Variants in AKIRIN2 observed in about 807,000 individuals in gnomAD.
The protein encoded by AKIRIN2 is akirin-2.
In AKIRIN2, 6 loss-of-function variants were observed where a neutral mutation model predicts 29.3. That is an observed-to-expected ratio of 0.20 (90% CI 0.11 to 0.40). The LOEUF is 0.40. AKIRIN2 is among the 10% of genes least tolerant of loss of function. AKIRIN2 has a pLI of 1.00. For synonymous variants in AKIRIN2, 128 were observed against 117.5 expected (o/e 1.09, Z -0.58); for missense variants, 210 against 276.1 (o/e 0.76, Z 1.70).
chr6:87,701,070 G>C (rs931063836), intron 1 of AKIRIN2, among the ~76,000 whole-genome samples: 2 of 151,900 alleles, frequency 1.3e-5, no homozygotes, highest in Admixed American at 6.6e-5. Context: ...ATCCAGATTG[G>C]GGTGAAATGT....
rs1199626579 is a variant in AKIRIN2, at chr6:87,702,011, T to C, written c.-327A>G. 9.9e-6 allele frequency: 4 copies of C among 403,778 alleles called. No individual in the cohort carries two copies. The highest frequency in any genetic ancestry group is 1.7e-5 in the Non-Finnish European group (4 of 229,224). The allele number at this position is 403,778 out of a possible 1,614,324, so 25.0% of individuals were successfully genotyped here. A position where few individuals can be genotyped will look rare whatever the true frequency, so the allele number is the denominator to read the frequency against. On this transcript the variant is annotated 5_prime_UTR_variant, in exon 1 of 5. Transcript: ENST00000257787. ...GGCTCCGGCCGCCCCCGCCGTCCGC[T>C]CGAGCTTTGCGCCGCGCCTGAGGCG...
intron 1 of AKIRIN2, chr6:87,700,465 A>G (rs551942544): frequency 6.6e-6 from 1 of 152,370 alleles, no homozygotes; most frequent in South Asian, 2.1e-4. Context: ...TTACACTTCT[A>G]GTCCACAAAA....
chr6:87,689,509 T>C (rs1393490981), intron 1 of AKIRIN2, among the ~76,000 whole-genome samples: 1 of 152,140 alleles, frequency 6.6e-6, no homozygotes, highest in Non-Finnish European at 1.5e-5. Flanking sequence ...AACCAGGATT[T>C]GCAAAACTGA....
intron 1 of AKIRIN2, among the ~76,000 whole-genome samples, chr6:87,692,799 G>C (rs565245138): frequency 7.2e-5 from 11 of 152,320 alleles, no homozygotes; most frequent in Admixed American, 5.9e-4. Flanking sequence ...GACAGAGTAA[G>C]ACTCTTGTCT....
At chr6:87,690,958 G>A (rs992415905) in intron 1 of AKIRIN2, among the ~76,000 whole-genome samples, 1 of 151,944 alleles carries the variant, frequency 6.6e-6, no homozygotes, top group African/African-American at 2.4e-5. Flanking sequence ...GGGCAACAGA[G>A]TGAGACGGTT....
intron 1 of AKIRIN2, among the ~76,000 whole-genome samples, chr6:87,694,719 AAAG>A (rs1771331017): frequency 6.6e-6 from 1 of 152,166 alleles, no homozygotes; most frequent in African/African-American, 2.4e-5. Context: ...AAAGGGAAAA[AAAG>A]CTACACCCCA....
At chr6:87,676,724 G>A (rs551518424) in intron 3 of AKIRIN2, among the ~76,000 whole-genome samples, 5 of 151,536 alleles carry the variant, frequency 3.3e-5, no homozygotes, top group Admixed American at 3.3e-4. Flanking sequence ...AGGTTGCAGT[G>A]AGCCAAGATC....
chr6:87,693,530 T>C (rs1315928975), intron 1 of AKIRIN2, among the ~76,000 whole-genome samples: 1 of 151,904 alleles, frequency 6.6e-6, no homozygotes, highest in Non-Finnish European at 1.5e-5. Context: ...GAGTTCAAGA[T>C]CAGCCTGACC....
At chr6:87,677,716 A>C in intron 3 of AKIRIN2, 102 bp downstream of exon 3, 1 of 1,361,030 alleles carries the variant, frequency 7.3e-7, no homozygotes, top group Non-Finnish European at 1.0e-6. Flanking sequence ...ATTCTCAGAG[A>C]ATATACCGCA....
chr6:87,681,603 A>C lies in AKIRIN2; in HGVS notation c.379+17T>G. 6.3e-7 allele frequency: 1 copy of C among 1,591,798 alleles called. No homozygotes were observed. Among genetic ancestry groups the C allele is most frequent in the Non-Finnish European group, 8.5e-7 (1 of 1,173,692 alleles). ...CTCTAAATAATAAACTTTGTAAATG[A>C]CAAGAAATGTTATTACCTGGTGAAG... On this transcript the variant is annotated intron_variant, in intron 2 of 4. Transcript: ENST00000257787.
At chr6:87,685,415 T>C (rs1421833784) in intron 1 of AKIRIN2, among the ~76,000 whole-genome samples, 1 of 152,224 alleles carries the variant, frequency 6.6e-6, no homozygotes, top group Non-Finnish European at 1.5e-5. Flanking sequence ...CTTCCATATA[T>C]CAGTCAAGTA....
At chr6:87,691,295 G>C (rs192296570) in intron 1 of AKIRIN2, among the ~76,000 whole-genome samples, 10 of 151,870 alleles carry the variant, frequency 6.6e-5, no homozygotes, top group African/African-American at 1.4e-4. Flanking sequence ...ACAAAAATTA[G>C]CCGGGCATGG....
chr6:87,675,825 T>TAGTTTAAAGTC, intron 4 of AKIRIN2, 35 bp downstream of exon 4: 2 of 1,584,574 alleles, frequency 1.3e-6, no homozygotes, highest in Non-Finnish European at 1.7e-6. Context: ...GACAGTCTTA[T>TAGTTTAAAGTC]TTTCAGTTTA....
At position 87,701,789 on chromosome 6, in the gene AKIRIN2, C is replaced by A. The variant is rs1037194075; in HGVS notation, c.-105G>T. The A allele has an allele frequency of 1.2e-6, 1 of 829,242 alleles. No homozygotes were observed. The highest frequency in any genetic ancestry group is 1.7e-6 in the Non-Finnish European group (1 of 589,444). 51.4% of individuals were successfully genotyped at this position (829,242 alleles called of 1,614,324 possible). On this transcript the variant is annotated 5_prime_UTR_variant, in exon 1 of 5. Transcript: ENST00000257787. ...GAGCGGGAACTCGAGGAGAGCCTAC[C>A]CGACGGGCTCAGGAGCCAAGCGGGT...
intron 2 of AKIRIN2, among the ~76,000 whole-genome samples, chr6:87,679,151 A>AC: frequency 6.9e-6 from 1 of 145,130 alleles, no homozygotes; most frequent in Non-Finnish European, 1.5e-5. Flanking sequence ...AAAAAAAAAA[A>AC]AAAGAAATTT....
chr6:87,676,628 A>ACACACACACACACACACAC (rs1562395616), intron 3 of AKIRIN2, among the ~76,000 whole-genome samples: 3 of 99,968 alleles, frequency 3.0e-5, no homozygotes, highest in Admixed American at 2.1e-4. Flanking sequence ...CACACACACA[A>ACACACACACACACACACAC]ACATAGCTGG....
chr6:87,676,022 C>G (rs1458728115), intron 3 of AKIRIN2, 91 bp from the exon 4 acceptor site: 10 of 1,073,750 alleles, frequency 9.3e-6, no homozygotes, highest in Admixed American at 2.2e-5. Context: ...TAAAACAATT[C>G]TAAGTTGACA....
intron 2 of AKIRIN2, among the ~76,000 whole-genome samples, chr6:87,680,709 C>T (rs1338785808): frequency 1.3e-5 from 2 of 151,638 alleles, no homozygotes; most frequent in African/African-American, 4.8e-5. Flanking sequence ...ATTGATGGCT[C>T]TCTCTCAGCA....
At chr6:87,680,770 CCCTT>C (rs1310110246) in intron 2 of AKIRIN2, among the ~76,000 whole-genome samples, 17 of 23,710 alleles carry the variant, frequency 7.2e-4, no homozygotes, top group East Asian at 2.2e-3. Context: ...CCCGCCCCCC[CCCTT>C]TTTTTTTTTT....
Sources: gnomAD v4.1 joint callset for allele counts (sites outside exome capture counted in the v4.1 genomes callset) on GRCh38, gnomAD v4.1.1 for gene constraint, MANE v1.5 for transcripts, NCBI Gene and HGNC (gene_info 2026-07-23, HGNC 2026-07-21) for gene names.